Variants in CENPP observed in about 807,000 individuals in gnomAD.
The protein encoded by CENPP is centromere protein P.
In CENPP, 24 loss-of-function variants were observed where a neutral mutation model predicts 35.6. The ratio of observed to expected loss-of-function variants is 0.67; its 90% CI spans 0.49 to 0.95. The LOEUF (loss-of-function observed/expected upper bound fraction) is 0.95, where lower values mean the gene tolerates loss of function less well. CENPP is among the 40% of genes least tolerant of loss of function. The probability of loss-of-function intolerance (pLI) is 0.00; values close to 1 mark genes in which losing one functional copy is unlikely to be tolerated. For missense variants in CENPP, 332 were observed against 345.3 expected (o/e 0.96, Z 0.31); for synonymous variants, 120 against 125.5 (o/e 0.96, Z 0.29).
chr9:92,431,432 A>G (rs1205238724), intron 5 of CENPP, among the ~76,000 whole-genome samples: 1 of 152,242 alleles, frequency 6.6e-6, no homozygotes, highest in Non-Finnish European at 1.5e-5. Flanking sequence ...TTTGGTAAGT[A>G]TTCAGTGGCA....
intron 4 of CENPP, among the ~76,000 whole-genome samples, chr9:92,354,311 G>T (rs1841535998): frequency 6.6e-6 from 1 of 152,174 alleles, no homozygotes; most frequent in African/African-American, 2.4e-5. Flanking sequence ...CCCAAGAAAT[G>T]GTGCCATATC....
chr9:92,615,317 A>G lies in CENPP; in HGVS notation c.*2168A>G, dbSNP rs563118503. ...GCGCGACCACGAGGTCACGCTGTGC[A>G]GCAGGGAACCACCTAAAAACCTGTG... is the stretch of plus-strand genomic sequence containing the variant. On this transcript the variant is annotated 3_prime_UTR_variant, in exon 8 of 8. Transcript: ENST00000375587. The G allele has an allele frequency of 1.8e-5, 3 of 167,844 alleles. No homozygotes were observed. The highest frequency in any genetic ancestry group is 7.2e-5 in the African/African-American group (3 of 41,680). The allele number at this position is 167,844 out of a possible 1,614,324, so 10.4% of individuals were successfully genotyped here. A position where few individuals can be genotyped will look rare whatever the true frequency, so the allele number is the denominator to read the frequency against.
At chr9:92,402,519 T>G (rs1418206921) in intron 5 of CENPP, among the ~76,000 whole-genome samples, 2 of 152,192 alleles carry the variant, frequency 1.3e-5, no homozygotes, top group Admixed American at 1.3e-4. Context: ...CTGTATTAAC[T>G]TTTTCCTTAC....
chr9:92,343,063 A>C (rs1300831201), intron 3 of CENPP, among the ~76,000 whole-genome samples: 1 of 152,230 alleles, frequency 6.6e-6, no homozygotes, highest in Non-Finnish European at 1.5e-5. Flanking sequence ...AGGTTTAGCT[A>C]TCTGAAAATT....
intron 5 of CENPP, chr9:92,500,661 T>C: frequency 6.8e-7 from 1 of 1,464,754 alleles, no homozygotes. Context: ...GATCATGTCA[T>C]GGTTGTTTTA....
intron 5 of CENPP, among the ~76,000 whole-genome samples, chr9:92,396,707 G>C (rs1842906871): frequency 6.6e-6 from 1 of 151,738 alleles, no homozygotes; most frequent in Non-Finnish European, 1.5e-5. Context: ...TGGGACTACA[G>C]GTTTGTGCCA....
At chr9:92,426,982 G>T (rs1310299560) in intron 5 of CENPP, among the ~76,000 whole-genome samples, 1 of 152,076 alleles carries the variant, frequency 6.6e-6, no homozygotes, top group Admixed American at 6.6e-5. Context: ...AGGAACCAGG[G>T]CTGCTCCTTG....
intron 5 of CENPP, chr9:92,383,874 G>A (rs767544557): frequency 1.4e-4 from 21 of 151,606 alleles, no homozygotes; most frequent in Non-Finnish European, 2.9e-4. Context: ...AAATAATATA[G>A]GAATACATTA....
intron 1 of CENPP, among the ~76,000 whole-genome samples, chr9:92,328,137 A>G (rs1316515500): frequency 6.6e-6 from 1 of 151,868 alleles, no homozygotes; most frequent in East Asian, 1.9e-4. Context: ...TTTTATTTTT[A>G]GTTCTTAGTA....
At chr9:92,506,497 G>C (rs1279969453) in intron 5 of CENPP, among the ~76,000 whole-genome samples, 2 of 152,206 alleles carry the variant, frequency 1.3e-5, no homozygotes, top group Non-Finnish European at 2.9e-5. Context: ...AGGCATCTGA[G>C]TCAGAGGCTC....
intron 5 of CENPP, chr9:92,517,967 T>G: frequency 9.8e-6 from 14 of 1,423,178 alleles, no homozygotes; most frequent in Non-Finnish European, 1.4e-5. Flanking sequence ...CAAACTGCTC[T>G]AACCACACAA....
Position 92,600,026 on chromosome 9 carries a change from C to T in CENPP, c.565-11288C>T, listed in dbSNP as rs190540250. Among the ~76,000 whole-genome samples, 31 of 152,340 alleles carry T rather than the reference C, an allele frequency of 2.0e-4. No individual in the cohort carries two copies. The East Asian group carries it at 5.2e-3, about 26-fold the overall frequency. ...GAGTAACTGTTTTAAGCTTTGCAGC[C>T]ATGTAGTCTGCTCAGTCACTAAGTT... On this transcript the variant is annotated intron_variant, in intron 5 of 7. Transcript: ENST00000375587.
At chr9:92,351,651 G>C (rs1841447763) in intron 4 of CENPP, among the ~76,000 whole-genome samples, 1 of 151,884 alleles carries the variant, frequency 6.6e-6, no homozygotes, top group African/African-American at 2.4e-5. Context: ...TTTTTCTTTA[G>C]ATGGAGTCTC....
intron 5 of CENPP, among the ~76,000 whole-genome samples, chr9:92,565,549 A>G (rs1167661149): frequency 5.3e-5 from 8 of 152,124 alleles, no homozygotes; most frequent in Non-Finnish European, 1.2e-4. Context: ...ACTGCAGACA[A>G]TTTTTGGGGG....
At chr9:92,457,082 A>T in intron 5 of CENPP, 3 of 1,354,776 alleles carry the variant, frequency 2.2e-6, no homozygotes, top group Non-Finnish European at 2.8e-6. Flanking sequence ...ACTGCAATAG[A>T]TGCTTGTTTC....
chr9:92,579,040 C>G (rs1446119735), intron 5 of CENPP, among the ~76,000 whole-genome samples: 2 of 150,890 alleles, frequency 1.3e-5, no homozygotes, highest in East Asian at 3.9e-4. Context: ...TTTCCCAGCA[C>G]CATTTATTAA....
intron 5 of CENPP, among the ~76,000 whole-genome samples, chr9:92,571,386 G>A (rs535318094): frequency 0.015 from 2,328 of 152,180 alleles, 72 homozygotes; most frequent in African/African-American, 0.053. Flanking sequence ...GTAGTTGAGC[G>A]GTTTTGAGTG....
At chr9:92,567,369 G>GATATATAT (rs888840109) in intron 5 of CENPP, among the ~76,000 whole-genome samples, 3,453 of 103,704 alleles carry the variant, frequency 0.033, 49 homozygotes, top group Middle Eastern at 0.051. Flanking sequence ...AGTTACATAA[G>GATATATAT]ATAGATATAT....
chr9:92,450,127 G>A (rs188633348), intron 5 of CENPP, among the ~76,000 whole-genome samples: 18 of 151,390 alleles, frequency 1.2e-4, no homozygotes, highest in African/African-American at 3.4e-4. Context: ...TAAGTTTTAC[G>A]GTACATGTGC....
Sources: gnomAD v4.1 joint callset for allele counts (sites outside exome capture counted in the v4.1 genomes callset) on GRCh38, gnomAD v4.1.1 for gene constraint, MANE v1.5 for transcripts, NCBI Gene and HGNC (gene_info 2026-07-23, HGNC 2026-07-21) for gene names.